COA1: variants seen among roughly 807,000 people sequenced by gnomAD.
COA1 encodes the protein cytochrome c oxidase assembly factor 1 homolog.
In COA1, 13 loss-of-function variants were observed where a neutral mutation model predicts 16.0. The observed-to-expected ratio is 0.81, with a 90% CI of 0.53 to 1.29. The LOEUF is 1.29. COA1 is among the 50% of genes most tolerant of loss of function. The pLI, the probability that COA1 is intolerant of heterozygous loss-of-function variation, is 0.00. For synonymous variants in COA1, 65 were observed against 65.7 expected (o/e 0.99, Z 0.05); for missense variants, 179 against 177.0 (o/e 1.01, Z -0.06).
At chr7:43,619,688 AG>A (rs777773834) in intron 6 of COA1, 2 of 1,614,050 alleles carry the variant, frequency 1.2e-6, no homozygotes, top group Non-Finnish European at 1.7e-6. Context: ...AACAGTGAAG[AG>A]CTCCGAGAAA....
chr7:43,625,681 T>G (rs2084435165), intron 6 of COA1: 1 of 152,088 alleles, frequency 6.6e-6, no homozygotes, highest in Admixed American at 6.6e-5. Flanking sequence ...TGATCAACAC[T>G]CTGGTTACCT....
At chr7:43,715,409 C>T (rs2095367947) in intron 1 of COA1, among the ~76,000 whole-genome samples, 1 of 150,756 alleles carries the variant, frequency 6.6e-6, no homozygotes, top group African/African-American at 2.4e-5. Context: ...ACCCGGGAGG[C>T]AGACGTTGCA....
In COA1 at chr7:43,622,166, ATG is replaced by A. The variant is rs1223153740; in HGVS notation, c.*134-12673_*134-12672del. 8.5e-5 allele frequency: 13 copies of A among 152,316 alleles called. No individual in the cohort carries two copies. The South Asian group carries it at 2.7e-3, about 32-fold the overall frequency. 9.4% of individuals were successfully genotyped at this position (152,316 alleles called of 1,614,324 possible). ...GTACCCTTCCTCCCACAGTCTTGCTATGTGGTCTGTTTTACTGTTTCTTCCCC... is the reference window on the plus strand; with the variant it reads ...GTACCCTTCCTCCCACAGTCTTGCTATGGTCTGTTTTACTGTTTCTTCCCC... On this transcript the variant is annotated intron_variant and NMD_transcript_variant, in intron 6 of 6. Transcript: ENST00000415076.
chr7:43,677,759 C>CCA (rs1435181619), intron 1 of COA1, among the ~76,000 whole-genome samples: 1 of 141,610 alleles, frequency 7.1e-6, no homozygotes, highest in African/African-American at 2.7e-5. Flanking sequence ...AGATCATATA[C>CCA]CACTGCACTC....
chr7:43,724,486 G>A (rs1053298195), intron 1 of COA1, among the ~76,000 whole-genome samples: 13 of 151,852 alleles, frequency 8.6e-5, no homozygotes, highest in Non-Finnish European at 1.5e-4. Context: ...AGGAGGCAGA[G>A]GTTGCAGTGA....
At chr7:43,641,442 A>G (rs1174447445) in intron 4 of COA1, 1 of 152,242 alleles carries the variant, frequency 6.6e-6, no homozygotes, top group Non-Finnish European at 1.5e-5. Context: ...AGATTCATGG[A>G]AACAGAGCAA....
intron 1 of COA1, among the ~76,000 whole-genome samples, chr7:43,678,550 T>C (rs959295473): frequency 1.3e-5 from 2 of 152,112 alleles, no homozygotes; most frequent in African/African-American, 2.4e-5. Flanking sequence ...GGAAAAAATA[T>C]TTGCAACTCA....
intron 1 of COA1, among the ~76,000 whole-genome samples, chr7:43,665,999 C>T (rs1378085698): frequency 6.6e-6 from 1 of 152,142 alleles, no homozygotes; most frequent in Non-Finnish European, 1.5e-5. Context: ...GCATGATACC[C>T]ACCTCATTGG....
chr7:43,656,090 A>G (rs1563273834), intron 1 of COA1: 1 of 152,250 alleles, frequency 6.6e-6, no homozygotes, highest in Non-Finnish European at 1.5e-5. Flanking sequence ...GTGGGCTACC[A>G]GATGACTGCA....
At chr7:43,702,303 T>C (rs1004081263) in intron 1 of COA1, among the ~76,000 whole-genome samples, 4 of 152,212 alleles carry the variant, frequency 2.6e-5, no homozygotes, top group African/African-American at 7.2e-5. Context: ...GTTTCATTGC[T>C]CTGTATATGG....
chr7:43,704,377 G>C (rs1320018438), intron 1 of COA1, among the ~76,000 whole-genome samples: 3 of 152,114 alleles, frequency 2.0e-5, no homozygotes, highest in African/African-American at 4.8e-5. Flanking sequence ...GCAAGGTTGG[G>C]GAAATTTTCA....
intron 4 of COA1, among the ~76,000 whole-genome samples, chr7:43,644,781 G>GAGAGAGAGAGAGAGAGAGA (rs2088576161): frequency 8.3e-6 from 1 of 120,994 alleles, no homozygotes; most frequent in African/African-American, 3.4e-5. Context: ...CAGGCAGGCA[G>GAGAGAGAGAGAGAGAGAGA]GCAGGCAGGC....
chr7:43,715,471 C>T (rs2095370642), intron 1 of COA1, among the ~76,000 whole-genome samples: 1 of 148,276 alleles, frequency 6.7e-6, no homozygotes, highest in African/African-American at 2.5e-5. Flanking sequence ...GAGCAAGACT[C>T]TATCTCAAAA....
chr7:43,700,591 C>CATGT (rs1554550150), intron 1 of COA1, among the ~76,000 whole-genome samples: 1 of 144,868 alleles, frequency 6.9e-6, no homozygotes. Flanking sequence ...TGTATATATA[C>CATGT]GTGTGTGTGT....
chr7:43,709,618 A>G (rs1258569826), intron 1 of COA1, among the ~76,000 whole-genome samples: 1 of 152,162 alleles, frequency 6.6e-6, no homozygotes, highest in African/African-American at 2.4e-5. Context: ...TGTCCCACCA[A>G]TCTACTATAC....
chr7:43,688,533 A>C (rs1472241530), intron 1 of COA1, among the ~76,000 whole-genome samples: 2 of 152,194 alleles, frequency 1.3e-5, no homozygotes, highest in African/African-American at 4.8e-5. Context: ...CACTTTCTTC[A>C]TTAGTCAGGA....
intron 1 of COA1, among the ~76,000 whole-genome samples, chr7:43,697,017 G>C (rs917357873): frequency 2.0e-5 from 3 of 151,342 alleles, no homozygotes; most frequent in Non-Finnish European, 4.4e-5. Flanking sequence ...CCAGCTACTC[G>C]GGAGGCTGAG....
intron 1 of COA1, among the ~76,000 whole-genome samples, chr7:43,664,154 G>A (rs2092715942): frequency 8.9e-6 from 1 of 112,214 alleles, no homozygotes; most frequent in Admixed American, 8.6e-5. Context: ...GCCCAGGCTG[G>A]ATTGTAATAG....
chr7:43,621,235 A>G (rs2083855054), intron 6 of COA1, among the ~76,000 whole-genome samples: 1 of 152,228 alleles, frequency 6.6e-6, no homozygotes, highest in South Asian at 2.1e-4. Flanking sequence ...TATATATTTT[A>G]ATGGGCCAGA....
Sources: allele counts gnomAD v4.1 joint callset (sites outside exome capture counted in the v4.1 genomes callset), GRCh38; gene constraint gnomAD v4.1.1; transcripts MANE v1.5; gene names NCBI Gene and HGNC (gene_info 2026-07-23, HGNC 2026-07-21).